The following RASSF2 variants were observed in gnomAD, a reference collection of about 807,000 sequenced individuals.
RASSF2 encodes Ras association domain family member 2, also known as ras association domain-containing protein 2.
A neutral mutation model predicts 46.3 loss-of-function variants in RASSF2; 34 were observed. The observed-to-expected ratio is 0.73, with a 90% CI of 0.56 to 0.98. The LOEUF (loss-of-function observed/expected upper bound fraction) is 0.98, where lower values mean the gene tolerates loss of function less well. Among genes scored for constraint, RASSF2 ranks in the 50% least tolerant of loss-of-function variants. The pLI is 0.00. For missense variants in RASSF2, 364 were observed against 431.2 expected, an observed-to-expected ratio of 0.84 and a Z score of 1.38; for synonymous variants, 158 against 162.5, an observed-to-expected ratio of 0.97 and a Z score of 0.21.
rs1269516488 is a variant in RASSF2, at chr20:4,801,006, G to A, written c.25C>T (p.Leu9=). 4 of 1,613,706 alleles carry A rather than the reference G, an allele frequency of 2.5e-6. No homozygotes were observed. Among genetic ancestry groups the A allele is most frequent in the Non-Finnish European group, 3.4e-6 (4 of 1,179,666 alleles). Residue 9 remains leucine (L), a synonymous_variant, in exon 3 of 12, where the codon CTA becomes TTA. Transcript: ENST00000379400. ...TATTTATCTTGTCCACATGGGACTA[G>A]GGACGTTTGGTGGCTGTAGTCCATT... The part of the protein sequence containing the change: MDYSHQTS[L]VPCGQDKYIS...
intron 1 of RASSF2, among the ~76,000 whole-genome samples, chr20:4,822,973 T>C (rs944969605): frequency 2.6e-5 from 4 of 151,848 alleles, no homozygotes; most frequent in Non-Finnish European, 5.9e-5. Context: ...CATCGCGGGC[T>C]CAAAAAGAAG....
chr20:4,783,811 C>G lies in RASSF2; in HGVS notation c.*462G>C, dbSNP rs1478936859. 1 of 158,818 alleles carries G rather than the reference C, an allele frequency of 6.3e-6. No homozygotes were observed. Among genetic ancestry groups the G allele is most frequent in the Non-Finnish European group, 1.4e-5 (1 of 71,716 alleles). 9.8% of individuals were successfully genotyped at this position (158,818 alleles called of 1,614,324 possible). A position where few individuals can be genotyped will look rare whatever the true frequency, so the allele number is the denominator to read the frequency against. On this transcript the variant is annotated 3_prime_UTR_variant, in exon 12 of 12. Transcript: ENST00000379400. Reference sequence around the variant, plus strand: ...ACCCTCTTCCCTCTCTAAACACAGACAGACGTGTGGCTGCTCCCTGGCACT... The same window carrying G: ...ACCCTCTTCCCTCTCTAAACACAGAGAGACGTGTGGCTGCTCCCTGGCACT...
At chr20:4,816,288 A>G (rs1409667656) in intron 2 of RASSF2, among the ~76,000 whole-genome samples, 1 of 152,222 alleles carries the variant, frequency 6.6e-6, no homozygotes, top group Non-Finnish European at 1.5e-5. Context: ...CCAGGGCAAC[A>G]GAGTGAGACC....
chr20:4,787,057 C>CAAA (rs112411943), intron 10 of RASSF2, among the ~76,000 whole-genome samples: 1 of 135,904 alleles, frequency 7.4e-6, no homozygotes, highest in African/African-American at 2.7e-5. Flanking sequence ...GACTCCATCC[C>CAAA]AAAAAAAAAA....
At chr20:4,822,990 C>T (rs573361131) in intron 1 of RASSF2, among the ~76,000 whole-genome samples, 1 of 152,186 alleles carries the variant, frequency 6.6e-6, no homozygotes, top group Non-Finnish European at 1.5e-5. Flanking sequence ...GAAGGAAGGA[C>T]GCCCCCAGGG....
At chr20:4,798,125 G>T (rs761390922) in intron 3 of RASSF2, 40 bp from the exon 4 acceptor site, 1 of 1,610,136 alleles carries the variant, frequency 6.2e-7, no homozygotes, top group Non-Finnish European at 8.5e-7. Flanking sequence ...ATTATCAGCT[G>T]AAGCCACTTA....
chr20:4,788,117 C>T (rs934196794), intron 9 of RASSF2, 100 bp downstream of exon 9: 3 of 1,221,316 alleles, frequency 2.5e-6, no homozygotes, highest in Non-Finnish European at 3.6e-6. Context: ...TGGAAGTTTC[C>T]AAAACTCAAA....
chr20:4,786,258 T>C lies in RASSF2; in HGVS notation c.884A>G (p.Asp295Gly). The change falls in exon 11 of 12, where the codon GAT becomes GGT. Residue 295 changes from aspartate to glycine, a missense_variant. By Grantham distance (94) the Asp-to-Gly change is moderately conservative. Coordinates refer to ENST00000379400, the MANE Select transcript of RASSF2 (RefSeq NM_014737.3). ...GCGCATCAGCTTCTTTACTTCCCGA[T>C]CTTCTTCCTCCTGGAGCTTCTGAAT... ...SFIQKLQEEEDREVKKLMRKY... is the reference protein window; with the variant it reads ...SFIQKLQEEEGREVKKLMRKY... The C allele has an allele frequency of 6.2e-7, 1 of 1,613,168 alleles. No individual in the cohort carries two copies. The highest frequency in any genetic ancestry group is 8.5e-7 in the Non-Finnish European group (1 of 1,179,098).
At chr20:4,799,436 T>C (rs1926678459) in intron 3 of RASSF2, among the ~76,000 whole-genome samples, 1 of 152,194 alleles carries the variant, frequency 6.6e-6, no homozygotes, top group Admixed American at 6.5e-5. Flanking sequence ...TTTTGTCTAG[T>C]CTCAAGTAAG....
chr20:4,806,682 A>G (rs191477943), intron 2 of RASSF2, among the ~76,000 whole-genome samples: 17 of 152,294 alleles, frequency 1.1e-4, no homozygotes, highest in Admixed American at 2.0e-4. Flanking sequence ...TCCTGGCCTC[A>G]AGTGATTCTC....
chr20:4,810,189 C>T (rs1314136182), intron 2 of RASSF2, among the ~76,000 whole-genome samples: 3 of 152,212 alleles, frequency 2.0e-5, no homozygotes, highest in Admixed American at 6.5e-5. Flanking sequence ...ACGGGGTCAG[C>T]GTCACCCAAG....
intron 3 of RASSF2, 124 bp downstream of exon 3, chr20:4,800,848 C>T: frequency 1.3e-6 from 1 of 787,538 alleles, no homozygotes; most frequent in Non-Finnish European, 2.2e-6. Flanking sequence ...CTCCTTCCCC[C>T]ATGCAGGAGC....
intron 2 of RASSF2, among the ~76,000 whole-genome samples, chr20:4,811,513 G>C (rs571591763): frequency 6.6e-6 from 1 of 152,188 alleles, no homozygotes; most frequent in Admixed American, 6.5e-5. Context: ...GGTAGGGAAA[G>C]AGCTGTGTAG....
intron 11 of RASSF2, 38 bp from the exon 12 acceptor site, chr20:4,784,380 G>T: frequency 6.3e-7 from 1 of 1,592,348 alleles, no homozygotes; most frequent in Non-Finnish European, 8.6e-7. Context: ...AGAGCAGCCA[G>T]CAACACACCC....
intron 2 of RASSF2, among the ~76,000 whole-genome samples, chr20:4,813,677 A>G (rs1325448877): frequency 2.0e-5 from 3 of 152,202 alleles, no homozygotes; most frequent in Non-Finnish European, 2.9e-5. Context: ...CTGGAGCGGG[A>G]CGAAAAAGGA....
intron 1 of RASSF2, among the ~76,000 whole-genome samples, chr20:4,823,029 A>C (rs1273995435): frequency 3.3e-5 from 5 of 152,200 alleles, no homozygotes; most frequent in African/African-American, 1.2e-4. Flanking sequence ...GCTCCAAGCC[A>C]CAACTTTCTT....
chr20:4,819,119 T>C (rs1928529931), intron 2 of RASSF2, among the ~76,000 whole-genome samples: 1 of 152,074 alleles, frequency 6.6e-6, no homozygotes, highest in South Asian at 2.1e-4. Context: ...CCCGCCACCA[T>C]GCCCGGATAA....
chr20:4,792,605 C>T lies in RASSF2; in HGVS notation c.310G>A (p.Val104Met). 5.6e-6 allele frequency: 9 copies of T among 1,613,934 alleles called. No homozygotes were observed. Among genetic ancestry groups the T allele is most frequent in the Admixed American group, 1.7e-5 (1 of 60,000 alleles). ...AQGTTLKPLT[V>M]PKVQISEVDA... Reference sequence around the variant, plus strand: ...ACCTCTGAGATCTGAACTTTGGGCACAGTCAGGGGCTTCAGAGTGGTTCTG... The same window carrying T: ...ACCTCTGAGATCTGAACTTTGGGCATAGTCAGGGGCTTCAGAGTGGTTCTG... The change falls in exon 6 of 12, where the codon GTG (valine) becomes ATG (methionine). Residue 104 changes from valine to methionine, a missense_variant. Physicochemically the swap from Val to Met is conservative, Grantham distance 21. Coordinates refer to ENST00000379400, the MANE Select transcript of RASSF2 (RefSeq NM_014737.3).
chr20:4,821,219 C>T lies in RASSF2; in HGVS notation c.-33+1110G>A, dbSNP rs183882006. On this transcript the variant is annotated intron_variant, in intron 2 of 11. Coordinates refer to ENST00000379400, the MANE Select transcript of RASSF2 (RefSeq NM_014737.3). ...GAAAACAAGGTGTAGGGTTGTCCGC[C>T]ACACCAACTGGGCTCCTAAGATGGC... Among the ~76,000 whole-genome samples the T allele has an allele frequency of 1.3e-4, 20 of 152,230 alleles. No homozygotes were observed. The East Asian group carries it at 3.5e-3, about 26-fold the overall frequency.
Sources: gnomAD v4.1 joint callset for allele counts (sites outside exome capture counted in the v4.1 genomes callset) on GRCh38, gnomAD v4.1.1 for gene constraint, MANE v1.5 for transcripts, NCBI Gene and HGNC (gene_info 2026-07-23, HGNC 2026-07-21) for gene names.